FYB1: variants seen among roughly 807,000 people sequenced by gnomAD.
FYB1 encodes FYN-binding protein 1.
In FYB1, 41 loss-of-function variants were observed where a neutral mutation model predicts 94.1. The ratio of observed to expected loss-of-function variants is 0.44; its 90% CI spans 0.34 to 0.57. FYB1 has a LOEUF of 0.57. Ranked by LOEUF, FYB1 falls within the 20% of genes least tolerant of loss-of-function variation. The pLI is 0.02. For missense variants in FYB1, 1,050 were observed against 976.8 expected, an observed-to-expected ratio of 1.07 and a Z score of -1.00; for synonymous variants, 367 against 353.2, an observed-to-expected ratio of 1.04 and a Z score of -0.44.
rs190305522 is a variant in FYB1, at chr5:39,194,834, A to G, written c.1135+6992T>C. On this transcript the variant is annotated intron_variant, in intron 2 of 18. Coordinates refer to ENST00000512982, the MANE Select transcript of FYB1 (RefSeq NM_001465.6). Reference sequence around the variant, plus strand: ...TTAATAGTAAGTGTGTTCCTCAGACACGTCAACATGCACCAGAAGGAAGAA... The same window carrying G: ...TTAATAGTAAGTGTGTTCCTCAGACGCGTCAACATGCACCAGAAGGAAGAA... Among the ~76,000 whole-genome samples the G allele has an allele frequency of 3.3e-5, 5 of 152,340 alleles. No homozygotes were observed. The East Asian group carries it at 9.6e-4, about 29-fold the overall frequency.
intron 2 of FYB1, among the ~76,000 whole-genome samples, chr5:39,190,384 G>C (rs1012895321): frequency 6.6e-6 from 1 of 152,172 alleles, no homozygotes; most frequent in Non-Finnish European, 1.5e-5. Context: ...TTCCTTGCTA[G>C]GTTTTGTAGC....
chr5:39,208,620 G>A (rs775809839), intron 1 of FYB1, among the ~76,000 whole-genome samples: 6 of 152,146 alleles, frequency 3.9e-5, no homozygotes, highest in Non-Finnish European at 7.3e-5. Context: ...ACAACAAGAG[G>A]CTGTGAGGGC....
intron 1 of FYB1, among the ~76,000 whole-genome samples, chr5:39,216,184 T>C (rs1387558708): frequency 6.6e-6 from 1 of 152,190 alleles, no homozygotes; most frequent in Non-Finnish European, 1.5e-5. Context: ...GCTGCCTAGT[T>C]TGTGGTACTT....
chr5:39,266,752 C>A (rs1752451854), intron 1 of FYB1, among the ~76,000 whole-genome samples: 1 of 152,158 alleles, frequency 6.6e-6, no homozygotes, highest in African/African-American at 2.4e-5. Flanking sequence ...AGTCTCTCAT[C>A]CCAGTGGCCT....
At chr5:39,270,713 T>A in intron 1 of FYB1, 3 of 621,358 alleles carry the variant, frequency 4.8e-6, no homozygotes, top group Non-Finnish European at 7.8e-6. Context: ...CACATTGATA[T>A]GTGAGGCTAC....
intron 1 of FYB1, among the ~76,000 whole-genome samples, chr5:39,261,058 TAGAC>T (rs959787102): frequency 2.2e-4 from 33 of 152,216 alleles, no homozygotes; most frequent in African/African-American, 7.9e-4. Context: ...TAGAGATTGT[TAGAC>T]AGCAATCACA....
intron 2 of FYB1, among the ~76,000 whole-genome samples, chr5:39,198,145 A>T (rs143706580): frequency 3.2e-4 from 48 of 152,284 alleles, no homozygotes; most frequent in Middle Eastern, 6.8e-3. Context: ...AACGAATCTC[A>T]TGTAGTGATT....
At chr5:39,153,741 A>C (rs1339832098) in intron 2 of FYB1, 137 bp from the exon 3 acceptor site, 1 of 730,822 alleles carries the variant, frequency 1.4e-6, no homozygotes, top group African/African-American at 1.8e-5. Flanking sequence ...TTCAATAAAG[A>C]GTATGTTTAT....
At chr5:39,246,094 C>T (rs189642724) in intron 1 of FYB1, among the ~76,000 whole-genome samples, 19 of 152,242 alleles carry the variant, frequency 1.2e-4, no homozygotes, top group African/African-American at 3.6e-4. Flanking sequence ...TTTGTCCATG[C>T]CTAATCTAGA....
At chr5:39,180,598 G>A (rs1209915258) in intron 2 of FYB1, among the ~76,000 whole-genome samples, 3 of 152,144 alleles carry the variant, frequency 2.0e-5, no homozygotes, top group Non-Finnish European at 1.5e-5. Context: ...GCTCCTTAGG[G>A]GAAGAAAACA....
At chr5:39,187,031 G>T (rs1194364737) in intron 2 of FYB1, among the ~76,000 whole-genome samples, 1 of 152,074 alleles carries the variant, frequency 6.6e-6, no homozygotes, top group African/African-American at 2.4e-5. Flanking sequence ...TAAAAAAAAT[G>T]ATTGTGAAAA....
intron 2 of FYB1, among the ~76,000 whole-genome samples, chr5:39,162,174 T>C (rs6867730): frequency 0.057 from 8,657 of 152,302 alleles, 798 homozygotes; most frequent in African/African-American, 0.19. Flanking sequence ...TGGACCTATG[T>C]TTTCATTTCT....
At chr5:39,109,152 G>A (rs1421113491) in intron 17 of FYB1, among the ~76,000 whole-genome samples, 3 of 152,026 alleles carry the variant, frequency 2.0e-5, no homozygotes, top group Admixed American at 2.0e-4. Flanking sequence ...CTTTATCATG[G>A]AAGCAGCAGC....
intron 11 of FYB1, among the ~76,000 whole-genome samples, chr5:39,126,879 A>T (rs1404801666): frequency 6.6e-6 from 1 of 151,356 alleles, no homozygotes; most frequent in African/African-American, 2.4e-5. Context: ...ACCAACATGG[A>T]GAAAACCCGT....
chr5:39,184,503 C>T (rs1207397655), intron 2 of FYB1, among the ~76,000 whole-genome samples: 1 of 152,148 alleles, frequency 6.6e-6, no homozygotes, highest in Non-Finnish European at 1.5e-5. Context: ...GTAATACTCA[C>T]AGACTACAAA....
At chr5:39,226,470 C>A (rs1750477668) in intron 1 of FYB1, among the ~76,000 whole-genome samples, 1 of 152,146 alleles carries the variant, frequency 6.6e-6, no homozygotes, top group African/African-American at 2.4e-5. Context: ...TACCTCTTCA[C>A]TTGCATGTGG....
At chr5:39,109,133 A>G (rs563898214) in intron 17 of FYB1, among the ~76,000 whole-genome samples, 3 of 152,168 alleles carry the variant, frequency 2.0e-5, no homozygotes, top group South Asian at 4.1e-4. Context: ...TTGCTGTACA[A>G]TCTCTGTGCT....
At position 39,108,278 on chromosome 5, in the gene FYB1, A is replaced by G; in HGVS notation, c.2436-16T>C. The stretch of plus-strand genomic sequence containing the variant: ...CTCTCCATCACTGTAAATGTAAAAA[A>G]AAATTTTTATTTTAAAGAAACTATG... On this transcript the variant is annotated splice_polypyrimidine_tract_variant and intron_variant, in intron 17 of 18. Coordinates refer to ENST00000512982, the MANE Select transcript of FYB1 (RefSeq NM_001465.6). 5 of 1,519,536 alleles carry G rather than the reference A, an allele frequency of 3.3e-6. No homozygotes were observed. Among genetic ancestry groups the G allele is most frequent in the Non-Finnish European group, 4.4e-6 (5 of 1,124,418 alleles). 94.1% of individuals were successfully genotyped at this position (1,519,536 alleles called of 1,614,324 possible).
rs75531576 is a variant in FYB1, at chr5:39,245,166, G to A, written c.-28+29237C>T. On this transcript the variant is annotated intron_variant, in intron 1 of 1. Coordinates refer to the FYB1 transcript ENST00000510188. ...GCAATTAAAAAAAAGTGTGTGTGTA[G>A]GAGGGAGTGGTATAAGAGAAAAAGA... Among the ~76,000 whole-genome samples, 931 of 152,184 alleles carry A rather than the reference G, an allele frequency of 6.1e-3. 23 individuals carry two copies. The highest frequency in any genetic ancestry group is 0.056 in the South Asian group (268 of 4,824).
Sources: allele counts gnomAD v4.1 joint callset (sites outside exome capture counted in the v4.1 genomes callset), GRCh38; gene constraint gnomAD v4.1.1; transcripts MANE v1.5; gene names NCBI Gene and HGNC (gene_info 2026-07-23, HGNC 2026-07-21).